Variants in PTBP2 observed in about 807,000 individuals in gnomAD.
The protein encoded by PTBP2 is polypyrimidine tract-binding protein 2.
In PTBP2, 13 loss-of-function variants were observed where a neutral mutation model predicts 61.4. That is an observed-to-expected ratio of 0.21 (90% CI 0.14 to 0.34). The LOEUF (loss-of-function observed/expected upper bound fraction) is 0.34, where lower values mean the gene tolerates loss of function less well. Ranked by LOEUF, PTBP2 falls within the 10% of genes least tolerant of loss-of-function variation. The pLI is 1.00. For missense variants in PTBP2, 405 were observed against 642.6 expected (o/e 0.63, Z 4.00); for synonymous variants, 215 against 218.5 (o/e 0.98, Z 0.14).
intron 2 of PTBP2, among the ~76,000 whole-genome samples, chr1:96,738,811 G>A (rs1180705074): frequency 6.6e-6 from 1 of 152,140 alleles, no homozygotes; most frequent in Non-Finnish European, 1.5e-5. Context: ...TGTAGGAGTA[G>A]TGCTTTAGAA....
At chr1:96,756,227 G>A (rs752502266) in intron 3 of PTBP2, among the ~76,000 whole-genome samples, 6 of 152,076 alleles carry the variant, frequency 3.9e-5, no homozygotes, top group Non-Finnish European at 7.4e-5. Flanking sequence ...GGAGAAACCC[G>A]ATCTCTACTA....
At chr1:96,733,609 G>A (rs1001163681) in intron 2 of PTBP2, among the ~76,000 whole-genome samples, 7 of 152,080 alleles carry the variant, frequency 4.6e-5, no homozygotes, top group African/African-American at 9.7e-5. Context: ...GAGCCCAGGC[G>A]GCAGTGAGCT....
intron 3 of PTBP2, among the ~76,000 whole-genome samples, 158 bp downstream of exon 3, chr1:96,751,658 GAAAA>G: frequency 7.0e-6 from 1 of 143,218 alleles, no homozygotes; most frequent in East Asian, 2.0e-4. Context: ...GAGCCGAGTG[GAAAA>G]AAAAAAAAAA....
At chr1:96,764,948 T>A (rs1353804715) in intron 3 of PTBP2, among the ~76,000 whole-genome samples, 3 of 152,186 alleles carry the variant, frequency 2.0e-5, no homozygotes, top group African/African-American at 7.2e-5. Flanking sequence ...AGTTACCTTT[T>A]ACGGAAACCT....
intron 7 of PTBP2, 73 bp downstream of exon 7, chr1:96,778,019 G>T (rs1658223354): frequency 4.5e-6 from 3 of 668,662 alleles, no homozygotes; most frequent in African/African-American, 1.9e-5. Flanking sequence ...ATATATGTAT[G>T]TATACTTAAT....
intron 11 of PTBP2, among the ~76,000 whole-genome samples, chr1:96,811,129 A>G (rs1450938143): frequency 6.6e-6 from 1 of 151,974 alleles, no homozygotes; most frequent in East Asian, 1.9e-4. Flanking sequence ...AATAAGAAAA[A>G]TTTAAGGAAG....
intron 2 of PTBP2, among the ~76,000 whole-genome samples, chr1:96,732,242 T>G (rs1468427930): frequency 6.6e-6 from 1 of 152,182 alleles, no homozygotes; most frequent in Non-Finnish European, 1.5e-5. Flanking sequence ...TTGGTAATAG[T>G]TGTGTGTAAC....
intron 3 of PTBP2, among the ~76,000 whole-genome samples, chr1:96,752,871 T>G (rs967313919): frequency 6.6e-6 from 1 of 151,992 alleles, no homozygotes; most frequent in African/African-American, 2.4e-5. Context: ...AGATCATCCT[T>G]GAGAGAAGGG....
At chr1:96,749,844 C>A (rs549592668) in intron 2 of PTBP2, among the ~76,000 whole-genome samples, 3 of 152,164 alleles carry the variant, frequency 2.0e-5, no homozygotes, top group East Asian at 1.9e-4. Context: ...TAGATGTTAT[C>A]CCTGTTTTAC....
chr1:96,799,910 A>G (rs1049770742), intron 8 of PTBP2, among the ~76,000 whole-genome samples: 7 of 152,344 alleles, frequency 4.6e-5, no homozygotes, highest in Admixed American at 4.6e-4. Flanking sequence ...ACAAAAGTAT[A>G]TTGAGGGAAA....
intron 7 of PTBP2, among the ~76,000 whole-genome samples, chr1:96,780,573 C>T (rs1256098599): frequency 2.0e-5 from 3 of 152,008 alleles, no homozygotes; most frequent in African/African-American, 4.8e-5. Context: ...GCACTGTGCA[C>T]CATTGTCTTA....
chr1:96,769,824 C>T lies in PTBP2; in HGVS notation c.237C>T (p.Gly79=). Residue 79 remains glycine (G), a synonymous_variant, in exon 4 of 14, where the codon GGC becomes GGT. Coordinates refer to ENST00000674951, the MANE Select transcript of PTBP2 (RefSeq NM_021190.4). ...CAGAAACTGAAGTTATTGCTTTAGG[C>T]TTACCTTTTGGTAAGGTGACCAACA... The part of the protein sequence containing the change: ...EVTETEVIAL[G]LPFGKVTNIL... 3 of 1,609,498 alleles carry T rather than the reference C, an allele frequency of 1.9e-6. No individual in the cohort carries two copies. Among genetic ancestry groups the T allele is most frequent in the Non-Finnish European group, 2.5e-6 (3 of 1,177,824 alleles).
At chr1:96,768,176 T>G (rs1009514169) in intron 3 of PTBP2, among the ~76,000 whole-genome samples, 12 of 152,056 alleles carry the variant, frequency 7.9e-5, no homozygotes, top group Non-Finnish European at 1.6e-4. Context: ...CCGTAGAAAG[T>G]ATCTGGTTCA....
At chr1:96,806,792 A>C in intron 10 of PTBP2, 74 bp from the exon 11 acceptor site, 1 of 1,086,056 alleles carries the variant, frequency 9.2e-7, no homozygotes, top group Non-Finnish European at 1.4e-6. Context: ...GATATGTCAG[A>C]AAGATAATCT....
chr1:96,776,666 G>A (rs1658079621), intron 5 of PTBP2, among the ~76,000 whole-genome samples: 1 of 151,602 alleles, frequency 6.6e-6, no homozygotes, highest in Non-Finnish European at 1.5e-5. Flanking sequence ...ATTTGCCTTT[G>A]TATGTTTTTT....
chr1:96,721,905 G>A lies in PTBP2; in HGVS notation c.8+33G>A, dbSNP rs200710034. ...ATCGGGCCGGCGAGAAGGTGTGTGTGAGAGAGGAGTTGGACCGTCCTTCGG... is the reference window on the plus strand; with the variant it reads ...ATCGGGCCGGCGAGAAGGTGTGTGTAAGAGAGGAGTTGGACCGTCCTTCGG... On this transcript the variant is annotated intron_variant, in intron 1 of 13. Coordinates refer to ENST00000674951, the MANE Select transcript of PTBP2 (RefSeq NM_021190.4). 862 of 1,570,324 alleles carry A rather than the reference G, an allele frequency of 5.5e-4. 6 individuals carry two copies. In the African/African-American group the frequency reaches 0.011, roughly 20 times the overall value.
intron 1 of PTBP2, among the ~76,000 whole-genome samples, chr1:96,722,397 G>A (rs995763988): frequency 2.2e-4 from 33 of 152,148 alleles, no homozygotes; most frequent in Admixed American, 1.2e-3. Flanking sequence ...GAGAGATGCC[G>A]GTGGCGGGAG....
At chr1:96,798,962 G>A (rs1387323679) in intron 8 of PTBP2, among the ~76,000 whole-genome samples, 1 of 152,140 alleles carries the variant, frequency 6.6e-6, no homozygotes, top group Non-Finnish European at 1.5e-5. Flanking sequence ...AGCAAGGTTA[G>A]GGATACCTGT....
intron 8 of PTBP2, among the ~76,000 whole-genome samples, chr1:96,802,869 T>C (rs1445989147): frequency 6.6e-6 from 1 of 152,226 alleles, no homozygotes; most frequent in African/African-American, 2.4e-5. Context: ...AATAATTGTA[T>C]TGTCAACTTT....
Sources: allele counts gnomAD v4.1 joint callset (sites outside exome capture counted in the v4.1 genomes callset), GRCh38; gene constraint gnomAD v4.1.1; transcripts MANE v1.5; gene names NCBI Gene and HGNC (gene_info 2026-07-23, HGNC 2026-07-21).